KCNN2: variants seen among roughly 807,000 people sequenced by gnomAD.
KCNN2 encodes potassium calcium-activated channel subfamily N member 2, also known as small conductance calcium-activated potassium channel protein 2.
A neutral mutation model predicts 55.5 loss-of-function variants in KCNN2; 24 were observed. That is an observed-to-expected ratio of 0.43 (90% CI 0.31 to 0.61). The LOEUF (loss-of-function observed/expected upper bound fraction) is 0.61, where lower values mean the gene tolerates loss of function less well. KCNN2 is among the 20% of genes least tolerant of loss of function. The pLI is 0.08. For missense variants in KCNN2, 754 were observed against 853.6 expected (o/e 0.88, Z 1.45); for synonymous variants, 431 against 336.1 (o/e 1.28, Z -3.09).
intron 2 of KCNN2, among the ~76,000 whole-genome samples, chr5:114,374,681 T>C (rs764973994): frequency 6.6e-6 from 1 of 152,220 alleles, no homozygotes; most frequent in African/African-American, 2.4e-5. Context: ...GTCCTTTGTT[T>C]AGAATAAGGT....
At chr5:114,125,179 A>C (rs552683612) in intron 1 of KCNN2, among the ~76,000 whole-genome samples, 1 of 149,274 alleles carries the variant, frequency 6.7e-6, no homozygotes, top group African/African-American at 2.6e-5. Context: ...TTCCCCCCAA[A>C]TTTAACTTTT....
At chr5:114,100,881 A>T (rs1370630553) in intron 1 of KCNN2, among the ~76,000 whole-genome samples, 2 of 152,048 alleles carry the variant, frequency 1.3e-5, no homozygotes, top group African/African-American at 4.8e-5. Flanking sequence ...GGATTATAAA[A>T]CATTTAGTTA....
intron 2 of KCNN2, among the ~76,000 whole-genome samples, chr5:114,352,197 G>C (rs776738884): frequency 6.6e-6 from 1 of 151,412 alleles, no homozygotes; most frequent in African/African-American, 2.4e-5. Context: ...TCATCAATTT[G>C]TTGGCATATA....
chr5:114,336,706 C>G (rs138360022), intron 2 of KCNN2, among the ~76,000 whole-genome samples: 7 of 152,142 alleles, frequency 4.6e-5, no homozygotes, highest in African/African-American at 1.7e-4. Context: ...GAAACAAATG[C>G]CTCTTTGAGA....
At chr5:114,160,475 A>T (rs1313934661) in intron 1 of KCNN2, among the ~76,000 whole-genome samples, 1 of 152,146 alleles carries the variant, frequency 6.6e-6, no homozygotes, top group Non-Finnish European at 1.5e-5. Context: ...AAGAATGTAT[A>T]TTCTGTTGAT....
At chr5:114,405,911 C>A (rs763475130) in intron 3 of KCNN2, among the ~76,000 whole-genome samples, 1 of 151,830 alleles carries the variant, frequency 6.6e-6, no homozygotes, top group African/African-American at 2.4e-5. Context: ...GGGGTTTCAC[C>A]GTGTTAGCTG....
At chr5:114,414,543 T>G (rs1178028033) in intron 3 of KCNN2, among the ~76,000 whole-genome samples, 1 of 152,170 alleles carries the variant, frequency 6.6e-6, no homozygotes, top group Non-Finnish European at 1.5e-5. Flanking sequence ...CCCACCCTGA[T>G]AGTTCCAATG....
intron 3 of KCNN2, among the ~76,000 whole-genome samples, chr5:114,432,919 G>A (rs1283929850): frequency 6.6e-6 from 1 of 152,198 alleles, no homozygotes; most frequent in Admixed American, 6.5e-5. Context: ...GCCTTCCCGC[G>A]GGGCATGGCT....
chr5:114,140,942 C>T (rs1283100435), intron 1 of KCNN2, among the ~76,000 whole-genome samples: 1 of 151,830 alleles, frequency 6.6e-6, no homozygotes, highest in African/African-American at 2.4e-5. Context: ...GTGCGCACCA[C>T]CACACCCATC....
At chr5:114,481,408 T>C (rs1762219351) in intron 5 of KCNN2, among the ~76,000 whole-genome samples, 1 of 152,004 alleles carries the variant, frequency 6.6e-6, no homozygotes, top group South Asian at 2.1e-4. Flanking sequence ...ATCATGAAAA[T>C]AGCCATACTG....
At chr5:114,490,057 T>A (rs1367990763) in intron 6 of KCNN2, among the ~76,000 whole-genome samples, 1 of 152,200 alleles carries the variant, frequency 6.6e-6, no homozygotes, top group Non-Finnish European at 1.5e-5. Context: ...TTTCAGTAAT[T>A]GTCTTTTTAG....
intron 1 of KCNN2, among the ~76,000 whole-genome samples, chr5:114,067,951 T>A (rs1259541190): frequency 1.3e-5 from 2 of 152,252 alleles, no homozygotes; most frequent in Non-Finnish European, 2.9e-5. Context: ...AAGAATGAGA[T>A]GTTTACTTTA....
At chr5:114,454,710 A>T (rs1760844522) in intron 3 of KCNN2, among the ~76,000 whole-genome samples, 1 of 152,138 alleles carries the variant, frequency 6.6e-6, no homozygotes, top group South Asian at 2.1e-4. Context: ...CAGAGAATGA[A>T]CCTATCTCCT....
At chr5:114,346,817 C>A (rs557846975) in intron 2 of KCNN2, among the ~76,000 whole-genome samples, 1 of 150,646 alleles carries the variant, frequency 6.6e-6, no homozygotes, top group South Asian at 2.1e-4. Flanking sequence ...ATAGTTCACT[C>A]CAGGGGCTGG....
chr5:114,267,748 C>T (rs1755238558), intron 2 of KCNN2, among the ~76,000 whole-genome samples: 1 of 152,056 alleles, frequency 6.6e-6, no homozygotes, highest in Non-Finnish European at 1.5e-5. Context: ...GGGTTTTTCC[C>T]TGGAAGAGGA....
chr5:114,473,173 C>CT lies in KCNN2; in HGVS notation c.1890+10dup, dbSNP rs764684221. 2.7e-6 allele frequency: 4 copies of CT among 1,459,424 alleles called. No homozygotes were observed. In the Admixed American group the frequency reaches 6.8e-5, roughly 25 times the overall value. 90.4% of individuals were successfully genotyped at this position (1,459,424 alleles called of 1,614,324 possible). A position where few individuals can be genotyped will look rare whatever the true frequency, so the allele number is the denominator to read the frequency against. Reference sequence around the variant, plus strand: ...CTCAGCTGACTAAAAGAGTAAGTTACTATCCATATATCTTCAAAGAGAATA... The same window carrying CT: ...CTCAGCTGACTAAAAGAGTAAGTTACTTATCCATATATCTTCAAAGAGAATA... On this transcript the variant is annotated intron_variant, in intron 5 of 7. Coordinates refer to ENST00000673685, the MANE Select transcript of KCNN2 (RefSeq NM_021614.4).
intron 3 of KCNN2, among the ~76,000 whole-genome samples, chr5:114,422,884 C>T (rs1414096415): frequency 1.3e-5 from 2 of 152,140 alleles, no homozygotes; most frequent in African/African-American, 4.8e-5. Context: ...AAATGATTAG[C>T]ACTTTTATAA....
chr5:114,443,119 T>C (rs565948064), intron 3 of KCNN2, among the ~76,000 whole-genome samples: 59 of 152,080 alleles, frequency 3.9e-4, no homozygotes, highest in Middle Eastern at 3.4e-3. Context: ...GGTGAAACCC[T>C]GTCTTTGCTA....
intron 1 of KCNN2, among the ~76,000 whole-genome samples, chr5:114,117,055 A>G (rs925442274): frequency 6.6e-6 from 1 of 152,152 alleles, no homozygotes; most frequent in Non-Finnish European, 1.5e-5. Flanking sequence ...ATTTAACCAC[A>G]GAAACAATGT....
Sources: allele counts gnomAD v4.1 joint callset (sites outside exome capture counted in the v4.1 genomes callset), GRCh38; gene constraint gnomAD v4.1.1; transcripts MANE v1.5; gene names NCBI Gene and HGNC (gene_info 2026-07-23, HGNC 2026-07-21).